Variants in HHIPL2 observed in about 807,000 individuals in gnomAD.
The protein encoded by HHIPL2 is HHIP-like protein 2.
Under a neutral mutation model 61.0 loss-of-function variants are expected in HHIPL2, and 61 were observed. The ratio of observed to expected loss-of-function variants is 1.00; its 90% CI spans 0.81 to 1.24. The LOEUF (loss-of-function observed/expected upper bound fraction) is 1.24. Ranked by LOEUF, HHIPL2 falls within the 50% of genes most tolerant of loss-of-function variation. The pLI, the probability that HHIPL2 is intolerant of heterozygous loss-of-function variation, is 0.00. For synonymous variants in HHIPL2, 343 were observed against 357.4 expected (o/e 0.96, Z 0.45); for missense variants, 885 against 910.2 (o/e 0.97, Z 0.36).
chr1:222,527,416 T>C (rs1357288164), intron 6 of HHIPL2, among the ~76,000 whole-genome samples: 1 of 152,212 alleles, frequency 6.6e-6, no homozygotes. Context: ...CTTGGATATA[T>C]ACAGTCTGCA....
chr1:222,539,538 A>C (rs1353822769), intron 4 of HHIPL2, among the ~76,000 whole-genome samples: 2 of 151,068 alleles, frequency 1.3e-5, no homozygotes, highest in Non-Finnish European at 3.0e-5. Context: ...AAAAAAAAAA[A>C]AAAAAAAAAA....
Position 222,544,154 on chromosome 1 carries a change from G to C in HHIPL2, c.357C>G (p.Ala119=), listed in dbSNP as rs746838052. 2 of 1,613,392 alleles carry C rather than the reference G, an allele frequency of 1.2e-6. No homozygotes were observed. The highest frequency in any genetic ancestry group is 2.7e-5 in the African/African-American group (2 of 74,896). Residue 119 remains alanine, a synonymous_variant, in exon 2 of 9, where the codon GCC becomes GCG. Coordinates refer to ENST00000343410, the MANE Select transcript of HHIPL2 (RefSeq NM_024746.4). ...TCCGGAGAGGCGTCTGGGTGTTTTC[G>C]GCGTCGTAGAGGTGGGCTGCGTAGG... is the stretch of plus-strand genomic sequence containing the variant. ...CSPYAAHLYD[A]ENTQTPLRNL...
chr1:222,531,156 T>C (rs533930347), intron 6 of HHIPL2, among the ~76,000 whole-genome samples: 131 of 152,248 alleles, frequency 8.6e-4, no homozygotes, highest in African/African-American at 3.0e-3. Context: ...GATGTCTACC[T>C]TTTTCTCAGG....
At chr1:222,534,261 C>A (rs1341832805) in intron 5 of HHIPL2, among the ~76,000 whole-genome samples, 2 of 152,098 alleles carry the variant, frequency 1.3e-5, no homozygotes, top group Non-Finnish European at 2.9e-5. Context: ...TTTCTGGCAT[C>A]CAATCAAAAA....
Position 222,541,997 on chromosome 1 carries a change from C to T in HHIPL2, c.1118+15G>A, listed in dbSNP as rs1168489893. On this transcript the variant is annotated intron_variant, in intron 3 of 8. Transcript: ENST00000343410. The stretch of plus-strand genomic sequence containing the variant: ...CACTCTGAAGGGACAAGGGCCCGGC[C>T]CCCATCCAGCTTACTTGTTCTGAGC... 1 of 1,595,062 alleles carries T rather than the reference C, an allele frequency of 6.3e-7. No homozygotes were observed.
chr1:222,525,100 A>C (rs1311067994), intron 7 of HHIPL2: 1 of 152,152 alleles, frequency 6.6e-6, no homozygotes, highest in Non-Finnish European at 1.5e-5. Context: ...TAAAAAAAAA[A>C]GGTGAATAAG....
At chr1:222,535,390 T>C (rs1482842505) in intron 5 of HHIPL2, among the ~76,000 whole-genome samples, 1 of 152,214 alleles carries the variant, frequency 6.6e-6, no homozygotes, top group Non-Finnish European at 1.5e-5. Flanking sequence ...TTGAGAGCAT[T>C]AGGAATGATA....
At position 222,547,662 on chromosome 1, in the gene HHIPL2, C is replaced by G. The variant is rs113863141; in HGVS notation, c.321+62G>C. The G allele has an allele frequency of 4.5e-3, 6,453 of 1,441,918 alleles. 222 individuals carry two copies. In the African/African-American group the frequency reaches 0.076, roughly 17 times the overall value. 89.3% of individuals were successfully genotyped at this position (1,441,918 alleles called of 1,614,324 possible). A position where few individuals can be genotyped will look rare whatever the true frequency, so the allele number is the denominator to read the frequency against. ...CTGGGCTCCCAAAGCACCCTCCGCTCAGGACCCACACCATGCAGCCCAGCA... is the reference window on the plus strand; with the variant it reads ...CTGGGCTCCCAAAGCACCCTCCGCTGAGGACCCACACCATGCAGCCCAGCA... On this transcript the variant is annotated intron_variant, in intron 1 of 8. Transcript: ENST00000343410.
At chr1:222,539,653 A>G (rs1659384605) in intron 4 of HHIPL2, among the ~76,000 whole-genome samples, 2 of 152,216 alleles carry the variant, frequency 1.3e-5, no homozygotes, top group South Asian at 2.1e-4. Flanking sequence ...AAATAAAAAC[A>G]TACATCAATT....
At chr1:222,538,479 G>A (rs1659354176) in intron 5 of HHIPL2, among the ~76,000 whole-genome samples, 169 bp downstream of exon 5, 1 of 152,042 alleles carries the variant, frequency 6.6e-6, no homozygotes, top group Admixed American at 6.6e-5. Context: ...CTTCTAGGGT[G>A]ATGGAAGTGT....
At chr1:222,541,366 T>C (rs899625245) in intron 3 of HHIPL2, among the ~76,000 whole-genome samples, 18 of 152,340 alleles carry the variant, frequency 1.2e-4, no homozygotes, top group African/African-American at 4.3e-4. Context: ...TTTTTTCCAC[T>C]TACTCATTGT....
intron 8 of HHIPL2, 104 bp downstream of exon 8, chr1:222,523,508 G>A: frequency 9.7e-7 from 1 of 1,035,438 alleles, no homozygotes; most frequent in Non-Finnish European, 1.5e-6. Flanking sequence ...GTTTCCCTCA[G>A]GGGGTAACTA....
intron 5 of HHIPL2, among the ~76,000 whole-genome samples, chr1:222,536,067 A>G (rs1179509764): frequency 2.0e-5 from 3 of 152,056 alleles, no homozygotes; most frequent in Non-Finnish European, 4.4e-5. Context: ...CAGATCAATA[A>G]TCTCAGCTTC....
intron 7 of HHIPL2, among the ~76,000 whole-genome samples, chr1:222,524,743 A>C (rs945882996): frequency 6.6e-6 from 1 of 152,238 alleles, no homozygotes; most frequent in South Asian, 2.1e-4. Context: ...AAATGCTGGG[A>C]TTGGTGCATT....
At chr1:222,546,000 G>A (rs994742879) in intron 1 of HHIPL2, among the ~76,000 whole-genome samples, 36 of 151,914 alleles carry the variant, frequency 2.4e-4, no homozygotes, top group Admixed American at 1.8e-3. Flanking sequence ...AGCCAAGACC[G>A]TGCCACTGCA....
At chr1:222,528,099 A>G (rs181478182) in intron 6 of HHIPL2, among the ~76,000 whole-genome samples, 5 of 152,038 alleles carry the variant, frequency 3.3e-5, no homozygotes, top group Non-Finnish European at 7.4e-5. Context: ...CTCATTCCAC[A>G]TTGCTTTCTA....
rs1659439859 is a variant in HHIPL2, at chr1:222,541,904, T to C, written c.1118+108A>G. On this transcript the variant is annotated intron_variant, in intron 3 of 8. Transcript: ENST00000343410. ...TGTTCCTCCCATTGCCTCAGTGGAG[T>C]AGACTACATCTTGCAGTGTGTGATT... 3 of 1,135,996 alleles carry C rather than the reference T, an allele frequency of 2.6e-6. No homozygotes were observed. In the Admixed American group the frequency reaches 8.5e-5, roughly 32 times the overall value. 70.4% of individuals were successfully genotyped at this position (1,135,996 alleles called of 1,614,324 possible).
At chr1:222,544,865 C>T (rs1659521929) in intron 1 of HHIPL2, among the ~76,000 whole-genome samples, 1 of 152,180 alleles carries the variant, frequency 6.6e-6, no homozygotes, top group Admixed American at 6.5e-5. Context: ...GGATGTATCA[C>T]TCTCAGAGAT....
chr1:222,545,883 T>C (rs1181401253), intron 1 of HHIPL2, among the ~76,000 whole-genome samples: 2 of 150,666 alleles, frequency 1.3e-5, no homozygotes, highest in African/African-American at 4.9e-5. Context: ...ATAAAAAAAT[T>C]AAAAAAATAA....
Sources: gnomAD v4.1 joint callset for allele counts (sites outside exome capture counted in the v4.1 genomes callset) on GRCh38, gnomAD v4.1.1 for gene constraint, MANE v1.5 for transcripts, NCBI Gene and HGNC (gene_info 2026-07-23, HGNC 2026-07-21) for gene names.